Variants in MECOM observed in about 807,000 individuals in gnomAD.
The protein encoded by MECOM is histone-lysine N-methyltransferase MECOM.
MECOM carries 13 observed loss-of-function variants against 116.3 expected under a neutral mutation model. That is an observed-to-expected ratio of 0.11 (90% CI 0.07 to 0.18). The LOEUF (loss-of-function observed/expected upper bound fraction) is 0.18, where lower values mean the gene tolerates loss of function less well. MECOM is among the 10% of genes least tolerant of loss of function. The pLI is 1.00. For synonymous variants in MECOM, 528 were observed against 535.2 expected, an observed-to-expected ratio of 0.99 and a Z score of 0.19; for missense variants, 1,299 against 1,509.0, an observed-to-expected ratio of 0.86 and a Z score of 2.31.
chr3:169,125,238 G>A (rs1732439762), intron 5 of MECOM, among the ~76,000 whole-genome samples: 1 of 152,018 alleles, frequency 6.6e-6, no homozygotes, highest in African/African-American at 2.4e-5. Context: ...GTTACAGAGT[G>A]GAATGTTAAT....
chr3:169,540,944 C>T (rs887458233), intron 1 of MECOM, among the ~76,000 whole-genome samples: 3 of 152,228 alleles, frequency 2.0e-5, no homozygotes, highest in Non-Finnish European at 4.4e-5. Flanking sequence ...CTCTTCCACA[C>T]ATCTGTCTCC....
At chr3:169,283,609 G>A (rs375728715) in intron 2 of MECOM, among the ~76,000 whole-genome samples, 87 of 152,004 alleles carry the variant, frequency 5.7e-4, no homozygotes, top group South Asian at 5.2e-3. Flanking sequence ...AGAATTTCTG[G>A]GTACAATTTT....
intron 1 of MECOM, among the ~76,000 whole-genome samples, chr3:169,560,126 G>A (rs1004152445): frequency 2.0e-5 from 3 of 152,110 alleles, no homozygotes; most frequent in South Asian, 2.1e-4. Context: ...TTCATGTCCC[G>A]AAATTAATGA....
chr3:169,115,346 A>C, intron 8 of MECOM, 37 bp downstream of exon 8: 1 of 1,589,440 alleles, frequency 6.3e-7, no homozygotes, highest in Non-Finnish European at 8.6e-7. Context: ...CCTTTCATAC[A>C]TCTGCTCATA....
intron 2 of MECOM, among the ~76,000 whole-genome samples, chr3:169,220,145 A>G (rs534144453): frequency 2.7e-4 from 41 of 152,064 alleles, no homozygotes; most frequent in African/African-American, 9.6e-4. Context: ...TGGGTAATAC[A>G]ATGAAACCCT....
Position 169,147,664 on chromosome 3 carries a change from T to A in MECOM, c.376-3832A>T, listed in dbSNP as rs1225397065. 4 of 985,526 alleles carry A rather than the reference T, an allele frequency of 4.1e-6. No individual in the cohort carries two copies. The African/African-American group carries it at 7.0e-5, about 17-fold the overall frequency. The allele number at this position is 985,526 out of a possible 1,614,324, so 61.0% of individuals were successfully genotyped here. A position where few individuals can be genotyped will look rare whatever the true frequency, so the allele number is the denominator to read the frequency against. The stretch of plus-strand genomic sequence containing the variant: ...TGGGGAGATCTCGCCAGGCAGGATT[T>A]CTTTCCCCAGGGAAATAGCCTCCGT... On this transcript the variant is annotated intron_variant, in intron 2 of 16. Coordinates refer to ENST00000651503, the MANE Select transcript of MECOM (RefSeq NM_004991.4).
At chr3:169,533,591 T>TTTAC (rs55667588) in intron 1 of MECOM, among the ~76,000 whole-genome samples, 2 of 132,238 alleles carry the variant, frequency 1.5e-5, no homozygotes, top group Non-Finnish European at 3.2e-5. Context: ...TTTTTTTTTT[T>TTTAC]ATTTCCTTAT....
intron 1 of MECOM, among the ~76,000 whole-genome samples, chr3:169,400,195 C>T (rs1044973362): frequency 3.3e-5 from 5 of 152,116 alleles, no homozygotes; most frequent in Non-Finnish European, 5.9e-5. Context: ...GTATAGCTCC[C>T]ACCTCCTTTT....
intron 1 of MECOM, among the ~76,000 whole-genome samples, chr3:169,622,704 T>C (rs932635908): frequency 6.6e-6 from 1 of 152,234 alleles, no homozygotes; most frequent in African/African-American, 2.4e-5. Flanking sequence ...TCTCTTTTAT[T>C]GTGTGCCTGG....
chr3:169,584,923 CTA>C (rs1765609407), intron 1 of MECOM, among the ~76,000 whole-genome samples: 1 of 152,188 alleles, frequency 6.6e-6, no homozygotes, highest in African/African-American at 2.4e-5. Context: ...AATATAAATT[CTA>C]GTTATTTCAC....
intron 1 of MECOM, among the ~76,000 whole-genome samples, chr3:169,432,820 TA>T (rs1449115647): frequency 6.6e-6 from 1 of 152,220 alleles, no homozygotes; most frequent in Non-Finnish European, 1.5e-5. Flanking sequence ...GGGAAAAGGT[TA>T]AAGGCTACAG....
chr3:169,335,475 C>T (rs1380856523), intron 2 of MECOM, among the ~76,000 whole-genome samples: 6 of 152,058 alleles, frequency 3.9e-5, no homozygotes, highest in African/African-American at 9.7e-5. Flanking sequence ...GTGAGCTCAG[C>T]GTGCGCTTGG....
intron 1 of MECOM, among the ~76,000 whole-genome samples, chr3:169,421,086 TG>T (rs1739646380): frequency 6.6e-6 from 1 of 152,064 alleles, no homozygotes; most frequent in African/African-American, 2.4e-5. Flanking sequence ...CCAGTCCCAC[TG>T]GAATGAGGTT....
chr3:169,309,661 T>A (rs1718368788), intron 2 of MECOM, among the ~76,000 whole-genome samples: 1 of 152,236 alleles, frequency 6.6e-6, no homozygotes, highest in Non-Finnish European at 1.5e-5. Flanking sequence ...GCCTCAACTC[T>A]TATCTTAAGC....
intron 2 of MECOM, among the ~76,000 whole-genome samples, chr3:169,257,689 A>G (rs978755753): frequency 6.6e-6 from 1 of 152,210 alleles, no homozygotes; most frequent in Non-Finnish European, 1.5e-5. Flanking sequence ...AAACTTGGAT[A>G]TATAAGTTTA....
chr3:169,198,037 A>G (rs1748659417), intron 2 of MECOM, among the ~76,000 whole-genome samples: 2 of 152,074 alleles, frequency 1.3e-5, no homozygotes, highest in Admixed American at 6.6e-5. Flanking sequence ...CAAAGAACAC[A>G]TTTTCATGAA....
chr3:169,129,170 G>A (rs967490702), intron 4 of MECOM, among the ~76,000 whole-genome samples: 1 of 152,076 alleles, frequency 6.6e-6, no homozygotes, highest in African/African-American at 2.4e-5. Context: ...GCCAGGTGAA[G>A]TGGAAGGAGG....
chr3:169,170,423 A>G (rs1263907765), intron 2 of MECOM, among the ~76,000 whole-genome samples: 1 of 151,714 alleles, frequency 6.6e-6, no homozygotes, highest in Non-Finnish European at 1.5e-5. Context: ...AAAAAAAAAA[A>G]AAAAATCAAA....
At chr3:169,386,771 G>T (rs1486572751) in intron 1 of MECOM, among the ~76,000 whole-genome samples, 1 of 152,000 alleles carries the variant, frequency 6.6e-6, no homozygotes, top group Non-Finnish European at 1.5e-5. Flanking sequence ...AACTTAGTGG[G>T]TATTGACAGA....
Sources: gnomAD v4.1 joint callset for allele counts (sites outside exome capture counted in the v4.1 genomes callset) on GRCh38, gnomAD v4.1.1 for gene constraint, MANE v1.5 for transcripts, NCBI Gene and HGNC (gene_info 2026-07-23, HGNC 2026-07-21) for gene names.